Variants in CAPN2 observed in about 807,000 individuals in gnomAD.
CAPN2 encodes the protein calpain-2 catalytic subunit.
In CAPN2, 92 loss-of-function variants were observed where a neutral mutation model predicts 102.3. That is an observed-to-expected ratio of 0.90 (90% CI 0.76 to 1.07). The LOEUF (loss-of-function observed/expected upper bound fraction) is 1.07, where lower values mean the gene tolerates loss of function less well. Ranked by LOEUF, CAPN2 falls within the 50% of genes least tolerant of loss-of-function variation. The pLI is 0.00. For missense variants in CAPN2, 800 were observed against 909.4 expected (o/e 0.88, Z 1.55); for synonymous variants, 340 against 355.4 (o/e 0.96, Z 0.49).
At chr1:223,767,997 A>C (rs1661379759) in intron 16 of CAPN2, among the ~76,000 whole-genome samples, 1 of 149,908 alleles carries the variant, frequency 6.7e-6, no homozygotes, top group Admixed American at 6.6e-5. Flanking sequence ...TCTTTTGAGA[A>C]GTGTCTGTTC....
chr1:223,739,052 T>G (rs1006142157), intron 2 of CAPN2, among the ~76,000 whole-genome samples: 2 of 152,148 alleles, frequency 1.3e-5, no homozygotes, highest in African/African-American at 4.8e-5. Context: ...GCAGCTGGAA[T>G]GTATCGGGCA....
chr1:223,712,050 C>T (rs1197574408), upstream of CAPN2, among the ~76,000 whole-genome samples: 1 of 152,162 alleles, frequency 6.6e-6, no homozygotes, highest in Non-Finnish European at 1.5e-5. Flanking sequence ...TTAGCGTCTC[C>T]GAGGCTCAGT....
chr1:223,729,848 C>A (rs2102784248), intron 2 of CAPN2, among the ~76,000 whole-genome samples: 1 of 151,828 alleles, frequency 6.6e-6, no homozygotes, highest in African/African-American at 2.4e-5. Context: ...ACTAAAAATG[C>A]AAAAATTAAC....
At chr1:223,739,784 G>T (rs1244494986) in intron 2 of CAPN2, among the ~76,000 whole-genome samples, 1 of 152,198 alleles carries the variant, frequency 6.6e-6, no homozygotes, top group East Asian at 1.9e-4. Flanking sequence ...AACATTCCAG[G>T]AGAGGCCTCC....
chr1:223,709,165 T>C (rs546568864), upstream of CAPN2, among the ~76,000 whole-genome samples: 70 of 152,124 alleles, frequency 4.6e-4, no homozygotes, highest in African/African-American at 1.6e-3. Context: ...TTTGTGCTTG[T>C]TCAGGCTTGG....
rs59206866 is a variant in CAPN2 at position 223,735,841 on chromosome 1, G to A, written c.308-8259G>A. ...GTTGCCCAGGCTGGAGTGAAGTGAC[G>A]TAATCTCAGCTCACTACAACCCCCA... On this transcript the variant is annotated intron_variant, in intron 2 of 20. Coordinates refer to ENST00000295006, the MANE Select transcript of CAPN2 (RefSeq NM_001748.5). Among the ~76,000 whole-genome samples, 735 of 151,794 alleles carry A rather than the reference G, an allele frequency of 4.8e-3. 36 individuals carry two copies. The East Asian group carries it at 0.11, about 23-fold the overall frequency.
At position 223,766,255 on chromosome 1, in the gene CAPN2, G is replaced by A. The variant is rs1239239427; in HGVS notation, c.1691-112G>A. 7 of 757,202 alleles carry A rather than the reference G, an allele frequency of 9.2e-6. No individual in the cohort carries two copies. The African/African-American group carries it at 1.0e-4, about 11-fold the overall frequency. 46.9% of individuals were successfully genotyped at this position (757,202 alleles called of 1,614,324 possible). On this transcript the variant is annotated intron_variant, in intron 15 of 20. Coordinates refer to ENST00000295006, the MANE Select transcript of CAPN2 (RefSeq NM_001748.5). Reference sequence around the variant, plus strand: ...CATGTGGCTATTTAATATAATGGAAGTGGCTTCTGTATGTGAAGGGCACAG... The same window carrying A: ...CATGTGGCTATTTAATATAATGGAAATGGCTTCTGTATGTGAAGGGCACAG...
Position 223,759,056 on chromosome 1 carries a change from T to G in CAPN2, c.1318-214T>G, listed in dbSNP as rs28370112. On this transcript the variant is annotated intron_variant, in intron 11 of 20. Transcript: ENST00000295006. The surrounding 1 kb of genome is among the most constrained non-coding windows in gnomAD (Gnocchi z 4.6). ...TGTACTGCTATTTTTTTAAAAAAAT[T>G]TTGTTGTTTTGTTGTTGTTGTCGTC... 4,392 of 583,266 alleles carry G rather than the reference T, an allele frequency of 7.5e-3. 162 individuals are homozygous for G. The East Asian group carries it at 0.089, about 12-fold the overall frequency. 36.1% of individuals were successfully genotyped at this position (583,266 alleles called of 1,614,324 possible). A position where few individuals can be genotyped will look rare whatever the true frequency, so the allele number is the denominator to read the frequency against.
At chr1:223,730,075 G>A (rs1660299607) in intron 2 of CAPN2, among the ~76,000 whole-genome samples, 1 of 147,600 alleles carries the variant, frequency 6.8e-6, no homozygotes, top group African/African-American at 2.5e-5. Flanking sequence ...CCTGGGTTGA[G>A]ATAAGAAGTT....
rs776155577 is a variant in CAPN2 at position 223,749,010 on chromosome 1, G to A, written c.730-29G>A. 55 of 1,599,602 alleles carry A rather than the reference G, an allele frequency of 3.4e-5. 1 individual carries two copies. Among genetic ancestry groups the A allele is most frequent in the Admixed American group, 3.3e-4 (20 of 59,974 alleles). On this transcript the variant is annotated intron_variant, in intron 5 of 20. Coordinates refer to ENST00000295006, the MANE Select transcript of CAPN2 (RefSeq NM_001748.5). The stretch of plus-strand genomic sequence containing the variant: ...TCCGGGAGGAAGGGAGAGCGGGTGC[G>A]GCCAGTCTGACGGTTGCTGTGTTTG...
At chr1:223,712,929 G>A in intron 1 of CAPN2, 52 bp downstream of exon 1, 4 of 1,269,052 alleles carry the variant, frequency 3.2e-6, no homozygotes, top group Non-Finnish European at 3.0e-6. Flanking sequence ...GGCAGGGCGG[G>A]GTGCAGGCCG....
chr1:223,716,097 C>A (rs1233128283), intron 1 of CAPN2, among the ~76,000 whole-genome samples: 2 of 152,132 alleles, frequency 1.3e-5, no homozygotes, highest in African/African-American at 4.8e-5. Context: ...GCAGCAAAGC[C>A]CAAACCCTCA....
In CAPN2 at chr1:223,730,602, T is replaced by G. The variant is rs1225272938; in HGVS notation, c.307+12771T>G. Among the ~76,000 whole-genome samples, 3 of 152,182 alleles carry G rather than the reference T, an allele frequency of 2.0e-5. No individual in the cohort carries two copies. The East Asian group carries it at 5.8e-4, about 29-fold the overall frequency. ...ATGCTCTACTAGAGTGTGGTTGGAA[T>G]TTGGTATCTTATTGCTAGGAAGAGT... On this transcript the variant is annotated intron_variant, in intron 2 of 20. Coordinates refer to ENST00000295006, the MANE Select transcript of CAPN2 (RefSeq NM_001748.5).
chr1:223,711,844 C>T (rs1383109102), upstream of CAPN2, among the ~76,000 whole-genome samples: 3 of 152,220 alleles, frequency 2.0e-5, no homozygotes, highest in Admixed American at 2.0e-4. Flanking sequence ...GATCCGCCTG[C>T]CTCCGGCCTC....
At chr1:223,743,423 C>T (rs1463877945) in intron 2 of CAPN2, among the ~76,000 whole-genome samples, 1 of 152,154 alleles carries the variant, frequency 6.6e-6, no homozygotes, top group African/African-American at 2.4e-5. Context: ...AGGAGGCGTG[C>T]AACGTTTGTC....
chr1:223,751,077 A>G (rs1660877969), intron 7 of CAPN2, 102 bp downstream of exon 7: 3 of 1,084,766 alleles, frequency 2.8e-6, no homozygotes, highest in Non-Finnish European at 4.1e-6. Context: ...ATTCTGAGAA[A>G]TATAGCCAGG....
rs28370112 is a variant in CAPN2 at position 223,759,056 on chromosome 1, T to C, written c.1318-214T>C. 4 of 583,176 alleles carry C rather than the reference T, an allele frequency of 6.9e-6. No homozygotes were observed. The highest frequency in any genetic ancestry group is 1.2e-5 in the Non-Finnish European group (4 of 325,936). The allele number at this position is 583,176 out of a possible 1,614,324, so 36.1% of individuals were successfully genotyped here. A position where few individuals can be genotyped will look rare whatever the true frequency, so the allele number is the denominator to read the frequency against. On this transcript the variant is annotated intron_variant, in intron 11 of 20. Transcript: ENST00000295006. This position sits in a 1 kb window ranked among gnomAD's most constrained non-coding sequence, Gnocchi z 4.6. ...TGTACTGCTATTTTTTTAAAAAAATTTTGTTGTTTTGTTGTTGTTGTCGTC... is the reference window on the plus strand; with the variant it reads ...TGTACTGCTATTTTTTTAAAAAAATCTTGTTGTTTTGTTGTTGTTGTCGTC...
chr1:223,721,562 A>C (rs17557623), intron 2 of CAPN2, among the ~76,000 whole-genome samples: 10,413 of 152,296 alleles, frequency 0.068, 421 homozygotes, highest in Non-Finnish European at 0.094. Flanking sequence ...ATTGTAACCC[A>C]GCAAATGTTC....
Position 223,769,836 on chromosome 1 carries a change from G to A in CAPN2, c.1756-5G>A, listed in dbSNP as rs1326265137. 1 of 1,606,868 alleles carries A rather than the reference G, an allele frequency of 6.2e-7. No individual in the cohort carries two copies. The highest frequency in any genetic ancestry group is 2.2e-5 in the East Asian group (1 of 44,724). ...CACTCAAGGGCTTTCCTTGACTGAA[G>A]GCAGTCGGACGGGAGTGGCAAGCTG... On this transcript the variant is annotated splice_region_variant and splice_polypyrimidine_tract_variant and intron_variant, in intron 16 of 20. Transcript: ENST00000295006.
Sources: allele counts gnomAD v4.1 joint callset (sites outside exome capture counted in the v4.1 genomes callset), GRCh38; gene constraint gnomAD v4.1.1; non-coding constraint Gnocchi (gnomAD v3.1); transcripts MANE v1.5; gene names NCBI Gene and HGNC (gene_info 2026-07-23, HGNC 2026-07-21).